The following ENPP2 variants were observed in gnomAD, a reference collection of about 807,000 sequenced individuals.
ENPP2 encodes autotaxin.
A neutral mutation model predicts 120.2 loss-of-function variants in ENPP2; 51 were observed. The observed-to-expected ratio is 0.42, with a 90% confidence interval of 0.34 to 0.54. The LOEUF is 0.54. ENPP2 is among the 20% of genes least tolerant of loss of function. ENPP2 has a pLI of 0.04. For synonymous variants in ENPP2, 365 were observed against 366.4 expected (o/e 1.00, Z 0.04); for missense variants, 920 against 1,066.5 (o/e 0.86, Z 1.91).
chr8:119,568,478 T>A (rs1199262988), intron 21 of ENPP2, among the ~76,000 whole-genome samples: 2 of 151,278 alleles, frequency 1.3e-5, no homozygotes, highest in African/African-American at 2.5e-5. Context: ...CCATTTACAA[T>A]GTTTTTTTCT....
intron 1 of ENPP2, among the ~76,000 whole-genome samples, chr8:119,651,525 T>C (rs1817624822): frequency 6.6e-6 from 1 of 152,208 alleles, no homozygotes; most frequent in Admixed American, 6.5e-5. Context: ...GATTTCCCAA[T>C]AAGAATTACA....
At chr8:119,580,320 T>G (rs560112730) in intron 18 of ENPP2, 153 bp from the exon 19 acceptor site, 9 of 684,946 alleles carry the variant, frequency 1.3e-5, no homozygotes, top group Non-Finnish European at 1.8e-5. Context: ...ATTAACTGTT[T>G]TCTCTCAAAC....
intron 19 of ENPP2, among the ~76,000 whole-genome samples, chr8:119,579,724 T>C (rs192616165): frequency 2.8e-4 from 43 of 152,190 alleles, no homozygotes; most frequent in African/African-American, 1.0e-3. Context: ...TCACAATATA[T>C]ATATATCTAT....
chr8:119,618,303 T>G (rs1449192849), intron 5 of ENPP2: 1 of 493,792 alleles, frequency 2.0e-6, no homozygotes, highest in Non-Finnish European at 4.1e-6. Flanking sequence ...CCCCAGGAGA[T>G]GCTTTTGTTC....
intron 12 of ENPP2, among the ~76,000 whole-genome samples, chr8:119,593,398 G>T (rs960058889): frequency 6.6e-6 from 1 of 152,122 alleles, no homozygotes; most frequent in African/African-American, 2.4e-5. Flanking sequence ...TGGGGATGTG[G>T]CTGGCAGGGA....
chr8:119,620,153 A>G (rs765674959), intron 4 of ENPP2, among the ~76,000 whole-genome samples: 1 of 152,222 alleles, frequency 6.6e-6, no homozygotes, highest in Non-Finnish European at 1.5e-5. Flanking sequence ...AGTAACCCAG[A>G]GCACACACGT....
intron 10 of ENPP2, among the ~76,000 whole-genome samples, chr8:119,601,183 C>T (rs777064545): frequency 1.5e-4 from 23 of 152,188 alleles, no homozygotes; most frequent in Admixed American, 3.9e-4. Context: ...CTGTAGTGGA[C>T]AGAATTAATA....
At chr8:119,582,081 G>A (rs1005044853) in intron 18 of ENPP2, among the ~76,000 whole-genome samples, 2 of 152,028 alleles carry the variant, frequency 1.3e-5, no homozygotes, top group Non-Finnish European at 2.9e-5. Flanking sequence ...GTCTCCCGTC[G>A]GGACCATGAC....
intron 2 of ENPP2, among the ~76,000 whole-genome samples, chr8:119,627,865 A>AAAATATAT (rs922394521): frequency 7.0e-6 from 1 of 143,554 alleles, no homozygotes; most frequent in African/African-American, 2.5e-5. Context: ...CCGTCTTAAA[A>AAAATATAT]ATATATATAT....
chr8:119,631,959 G>A lies in ENPP2; in HGVS notation c.137-5239C>T, dbSNP rs1274625336. On this transcript the variant is annotated intron_variant, in intron 2 of 24. Coordinates refer to ENST00000075322, the MANE Select transcript of ENPP2 (RefSeq NM_001040092.3). ...AAAAATCAAGAAGCAGAAGGAGAAC[G>A]ATGTTAAATGTCATTTCCAGGCTCG... is the stretch of plus-strand genomic sequence containing the variant. 5.3e-5 allele frequency among the ~76,000 whole-genome samples: 8 copies of A among 152,292 alleles called. No homozygotes were observed. The South Asian group carries it at 1.2e-3, about 24-fold the overall frequency.
chr8:119,596,460 T>C (rs1331689366), intron 11 of ENPP2, among the ~76,000 whole-genome samples: 1 of 152,208 alleles, frequency 6.6e-6, no homozygotes, highest in Non-Finnish European at 1.5e-5. Flanking sequence ...TGATTCCAAT[T>C]CAGAATCTGA....
intron 19 of ENPP2, among the ~76,000 whole-genome samples, chr8:119,575,139 C>T (rs142061696): frequency 2.7e-4 from 41 of 152,148 alleles, no homozygotes; most frequent in African/African-American, 9.4e-4. Context: ...CTAATGTTAC[C>T]CTGAAAGGTA....
At chr8:119,566,554 A>G (rs2130012445) in intron 22 of ENPP2, among the ~76,000 whole-genome samples, 1 of 152,324 alleles carries the variant, frequency 6.6e-6, no homozygotes, top group Admixed American at 6.5e-5. Flanking sequence ...TTAAGAAAAA[A>G]TGGAGAGGAA....
intron 2 of ENPP2, 151 bp from the exon 3 acceptor site, chr8:119,626,871 G>A (rs916539463): frequency 4.7e-6 from 3 of 643,802 alleles, no homozygotes; most frequent in Non-Finnish European, 7.9e-6. Context: ...CTCTGGGCAG[G>A]TTGCCCAACT....
intron 19 of ENPP2, chr8:119,578,607 T>G (rs766455202): frequency 6.6e-6 from 1 of 152,252 alleles, no homozygotes; most frequent in Admixed American, 6.5e-5. Context: ...ACTTGAATCA[T>G]GAGACTCCCC....
chr8:119,608,400 G>A (rs1457026908), intron 8 of ENPP2, among the ~76,000 whole-genome samples: 5 of 152,106 alleles, frequency 3.3e-5, no homozygotes, highest in African/African-American at 1.2e-4. Flanking sequence ...GCATCCAGAT[G>A]TCAGAATTTT....
intron 11 of ENPP2, chr8:119,595,844 T>C: frequency 1.9e-6 from 3 of 1,613,742 alleles, no homozygotes; most frequent in Non-Finnish European, 2.5e-6. Context: ...TAGATAAACT[T>C]ACTTTGTCCT....
At chr8:119,651,748 G>A (rs573152686) in intron 1 of ENPP2, among the ~76,000 whole-genome samples, 2 of 152,260 alleles carry the variant, frequency 1.3e-5, no homozygotes, top group Non-Finnish European at 1.5e-5. Flanking sequence ...ATGAAAAAGT[G>A]ACCAGAACCT....
intron 8 of ENPP2, among the ~76,000 whole-genome samples, chr8:119,614,801 A>C (rs886999343): frequency 2.0e-5 from 3 of 152,152 alleles, no homozygotes; most frequent in Non-Finnish European, 4.4e-5. Flanking sequence ...GTACTCATAA[A>C]ATATTCCCCT....
Sources: gnomAD v4.1 joint callset for allele counts (sites outside exome capture counted in the v4.1 genomes callset) on GRCh38, gnomAD v4.1.1 for gene constraint, MANE v1.5 for transcripts, NCBI Gene and HGNC (gene_info 2026-07-23, HGNC 2026-07-21) for gene names.